Variants in HADHA observed in about 807,000 individuals in gnomAD.
The protein encoded by HADHA is trifunctional enzyme subunit alpha, mitochondrial.
Under a neutral mutation model 91.3 loss-of-function variants are expected in HADHA, and 59 were observed. The observed-to-expected ratio is 0.65, with a 90% confidence interval of 0.52 to 0.80. The LOEUF (loss-of-function observed/expected upper bound fraction) is 0.80, where lower values mean the gene tolerates loss of function less well. Ranked by LOEUF, HADHA falls within the 30% of genes least tolerant of loss-of-function variation. The pLI, the probability that HADHA is intolerant of heterozygous loss-of-function variation, is 0.00. For missense variants in HADHA, 800 were observed against 927.6 expected, an observed-to-expected ratio of 0.86 and a Z score of 1.79; for synonymous variants, 320 against 338.9, an observed-to-expected ratio of 0.94 and a Z score of 0.61.
intron 4 of HADHA, 23 bp from the exon 5 acceptor site, chr2:26,234,378 G>C (rs746480285): frequency 6.2e-7 from 1 of 1,605,502 alleles, no homozygotes; most frequent in Admixed American, 1.7e-5. Context: ...TAAAAGTAGA[G>C]AACAGAGAAA....
At chr2:26,239,230 AACAACAACAAAAACCCCAAATCTGT>A in intron 1 of HADHA, 87 bp from the exon 2 acceptor site, 1 of 913,144 alleles carries the variant, frequency 1.1e-6, no homozygotes, top group Admixed American at 1.7e-5. Flanking sequence ...TTACAATAAT[AACAACAACAAAAACCCCAAATCTGT>A]ACAATGTATT....
In HADHA at chr2:26,212,588, A is replaced by T. The variant is rs780858741; in HGVS notation, c.957T>A (p.Gly319=). ...AGTTTACCTGAGATTCACAGAGATA[A>T]CCGGCATCACTCCCTTGCTCAATTC... ...KTGIEQGSDA[G]YLCESQKFGE... is the part of the protein sequence containing the mutation. The change falls in exon 10 of 20, where the codon GGT becomes GGA. Residue 319 remains glycine (G), a synonymous_variant. Coordinates refer to ENST00000380649, the MANE Select transcript of HADHA (RefSeq NM_000182.5). 4 of 1,595,760 alleles carry T rather than the reference A, an allele frequency of 2.5e-6. No homozygotes were observed. Among genetic ancestry groups the T allele is most frequent in the Non-Finnish European group, 3.4e-6 (4 of 1,163,190 alleles).
intron 12 of HADHA, among the ~76,000 whole-genome samples, chr2:26,202,783 A>C (rs1041345819): frequency 6.6e-6 from 1 of 152,236 alleles, no homozygotes; most frequent in African/African-American, 2.4e-5. Context: ...GTATGGGCTC[A>C]AAGCTTTTGT....
chr2:26,233,021 A>G (rs1272053541), intron 5 of HADHA, among the ~76,000 whole-genome samples: 1 of 152,202 alleles, frequency 6.6e-6, no homozygotes, highest in Non-Finnish European at 1.5e-5. Context: ...TCAAATCATC[A>G]GGCAATAGAG....
intron 11 of HADHA, among the ~76,000 whole-genome samples, chr2:26,207,171 C>T (rs935587085): frequency 9.2e-5 from 14 of 151,926 alleles, no homozygotes; most frequent in African/African-American, 1.5e-4. Flanking sequence ...GCACTCCAGC[C>T]GGGGTGACAG....
intron 7 of HADHA, among the ~76,000 whole-genome samples, chr2:26,227,521 A>C (rs536368256): frequency 0.021 from 3,189 of 152,152 alleles, 114 homozygotes; most frequent in African/African-American, 0.072. Flanking sequence ...CAAAAAAAAA[A>C]AAAGAAAAAA....
chr2:26,206,841 T>C (rs1030661750), intron 11 of HADHA, among the ~76,000 whole-genome samples: 8 of 152,178 alleles, frequency 5.3e-5, no homozygotes, highest in African/African-American at 1.9e-4. Context: ...CCAAGTCATA[T>C]CACTGAGTAA....
At chr2:26,200,771 C>T (rs913988754) in intron 13 of HADHA, among the ~76,000 whole-genome samples, 1 of 150,068 alleles carries the variant, frequency 6.7e-6, no homozygotes, top group Non-Finnish European at 1.5e-5. Context: ...CTCGCTCTGT[C>T]ACCCAGACTG....
intron 5 of HADHA, 86 bp downstream of exon 5, chr2:26,234,131 A>T: frequency 7.5e-7 from 1 of 1,338,028 alleles, no homozygotes; most frequent in Non-Finnish European, 1.1e-6. Flanking sequence ...AACTTTTTCC[A>T]GGCAAAGCAG....
chr2:26,226,307 T>C (rs1198847867), intron 7 of HADHA, among the ~76,000 whole-genome samples: 13 of 152,202 alleles, frequency 8.5e-5, no homozygotes. Flanking sequence ...GGTATTTTTG[T>C]AGATATGGAC....
Position 26,236,929 on chromosome 2 carries a change from C to A in HADHA, c.240G>T (p.Trp80Cys). 6.2e-7 allele frequency: 1 copy of A among 1,607,900 alleles called. No individual in the cohort carries two copies. Among genetic ancestry groups the A allele is most frequent in the Non-Finnish European group, 8.5e-7 (1 of 1,174,378 alleles). The change falls in exon 4 of 20, where the codon TGG (tryptophan) becomes TGT (cysteine). Residue 80 changes from tryptophan to cysteine, a missense_variant. Trp to Cys is a radical substitution (Grantham distance 215, BLOSUM62 -2). Coordinates refer to ENST00000380649, the MANE Select transcript of HADHA (RefSeq NM_000182.5). The stretch of plus-strand genomic sequence containing the variant: ...CGGCACTTCTGATTTGATCACTAGC[C>A]CAGATTTCATTCATAACTTCTGAGA... The part of the protein sequence containing the change: ...SEFSEVMNEI[W>C]ASDQIRSAVL...
chr2:26,215,275 G>A (rs538011741), intron 7 of HADHA, 100 bp from the exon 8 acceptor site: 12 of 1,062,400 alleles, frequency 1.1e-5, no homozygotes, highest in South Asian at 3.8e-5. Flanking sequence ...CTAGCACAGC[G>A]TTCCATTTCA....
chr2:26,232,349 G>C, intron 5 of HADHA, 70 bp from the exon 6 acceptor site: 2 of 1,031,732 alleles, frequency 1.9e-6, no homozygotes, highest in Non-Finnish European at 1.5e-6. Context: ...ATGGATAAGG[G>C]TCTAAAGATT....
Position 26,193,652 on chromosome 2 carries a change from C to T in HADHA, c.1810G>A (p.Gly604Ser). ...CCAAACCGCTCCCCAAAGACTTTGC[C>T]CAGATCTTCCGCCACATGTTTCGCT... ...DVAKHVAEDL[G>S]KVFGERFGGG... is the part of the protein sequence containing the mutation. The change falls in exon 17 of 20, where the codon GGC becomes AGC. Residue 604 changes from glycine (G) to serine (S), a missense_variant. Transcript: ENST00000380649. 2 of 1,614,146 alleles carry T rather than the reference C, an allele frequency of 1.2e-6. No homozygotes were observed. Among genetic ancestry groups the T allele is most frequent in the Non-Finnish European group, 8.5e-7 (1 of 1,180,008 alleles).
intron 10 of HADHA, 85 bp from the exon 11 acceptor site, chr2:26,209,974 C>T (rs1670061173): frequency 2.5e-6 from 2 of 813,156 alleles, no homozygotes; most frequent in Non-Finnish European, 4.4e-6. Context: ...CTCTGAAGAG[C>T]AGAGGTAATG....
rs778281315 is a variant in HADHA, at chr2:26,191,464, C to T, written c.2146+19G>A. 7.4e-6 allele frequency: 12 copies of T among 1,614,044 alleles called. No homozygotes were observed. The African/African-American group carries it at 1.2e-4, about 16-fold the overall frequency. ...GCTCCAGGCTAAAGTGAGCTTCCTT[C>T]CCAACCTGCGAGACCAACCTCCCAG... On this transcript the variant is annotated intron_variant, in intron 19 of 19. Coordinates refer to ENST00000380649, the MANE Select transcript of HADHA (RefSeq NM_000182.5).
chr2:26,200,458 G>A (rs1333594860), intron 13 of HADHA, among the ~76,000 whole-genome samples: 14 of 152,284 alleles, frequency 9.2e-5, no homozygotes, highest in Non-Finnish European at 1.6e-4. Context: ...GGCCAAAGCA[G>A]CATTTCCACA....
chr2:26,196,486 C>T (rs145423822), intron 14 of HADHA, among the ~76,000 whole-genome samples: 58 of 152,290 alleles, frequency 3.8e-4, no homozygotes, highest in African/African-American at 1.3e-3. Context: ...CATATAATCA[C>T]TAACCCAAGC....
intron 6 of HADHA, among the ~76,000 whole-genome samples, chr2:26,231,111 AAAG>A (rs1319047017): frequency 6.6e-6 from 1 of 152,146 alleles, no homozygotes; most frequent in Non-Finnish European, 1.5e-5. Context: ...AAGAAAAAAA[AAAG>A]AAGAAAGAAA....
Sources: allele counts gnomAD v4.1 joint callset (sites outside exome capture counted in the v4.1 genomes callset), GRCh38; gene constraint gnomAD v4.1.1; transcripts MANE v1.5; gene names NCBI Gene and HGNC (gene_info 2026-07-23, HGNC 2026-07-21).